TBX21: variants seen among roughly 807,000 people sequenced by gnomAD.
The protein encoded by TBX21 is T-box transcription factor TBX21.
TBX21 carries 11 observed loss-of-function variants against 52.2 expected under a neutral mutation model. That is an observed-to-expected ratio of 0.21 (90% CI 0.13 to 0.35). The LOEUF (loss-of-function observed/expected upper bound fraction) is 0.35. TBX21 is among the 10% of genes least tolerant of loss of function. The pLI is 1.00. For missense variants in TBX21, 625 were observed against 755.1 expected (o/e 0.83, Z 2.02); for synonymous variants, 300 against 316.1 (o/e 0.95, Z 0.54).
rs906353679 is a variant in TBX21, at chr17:47,733,329, T to C, written c.-126T>C. On this transcript the variant is annotated 5_prime_UTR_variant, in exon 1 of 6. Coordinates refer to ENST00000177694, the MANE Select transcript of TBX21 (RefSeq NM_013351.2). This position sits in a 1 kb window ranked among gnomAD's most constrained non-coding sequence, Gnocchi z 6.6. ...CCAGGCGTCAGAGCCCGGGCTCCGG[T>C]GGGGTCCCCCACCCGGCCCTCGGGT... 4.7e-6 allele frequency: 6 copies of C among 1,271,564 alleles called. No individual in the cohort carries two copies. The highest frequency in any genetic ancestry group is 5.8e-4 in the Middle Eastern group (2 of 3,446). 78.8% of individuals were successfully genotyped at this position (1,271,564 alleles called of 1,614,324 possible). A position where few individuals can be genotyped will look rare whatever the true frequency, so the allele number is the denominator to read the frequency against.
chr17:47,737,351 G>A (rs1301304337), intron 1 of TBX21, among the ~76,000 whole-genome samples: 1 of 152,158 alleles, frequency 6.6e-6, no homozygotes, highest in East Asian at 1.9e-4. Context: ...CACTTTCTGG[G>A]TGTGATTGGT....
rs1477192789 is a variant in TBX21, at chr17:47,733,822, A to C, written c.368A>C (p.Glu123Ala). Residue 123 changes from glutamate (E) to alanine (A), a missense_variant, in exon 1 of 6, where the codon GAG (glutamate) becomes GCG (alanine). Transcript: ENST00000177694. The surrounding 1 kb of genome is among the most constrained non-coding windows in gnomAD (Gnocchi z 6.6). The stretch of plus-strand genomic sequence containing the variant: ...GCCGGGCTCTACCCGGGGCCGCGTG[A>C]GGACTACGCGCTACCCGCGGGACTG... ...PRAGLYPGPR[E>A]DYALPAGLEV... 6.2e-7 allele frequency: 1 copy of C among 1,603,912 alleles called. No homozygotes were observed. Among genetic ancestry groups the C allele is most frequent in the Non-Finnish European group, 8.5e-7 (1 of 1,176,140 alleles).
At chr17:47,744,055 A>T in intron 3 of TBX21, 140 bp from the exon 4 acceptor site, 1 of 1,092,416 alleles carries the variant, frequency 9.2e-7, no homozygotes, top group Non-Finnish European at 1.3e-6. Context: ...GGGGGAAGTT[A>T]CATGGTGGCA....
chr17:47,745,601 G>A lies in TBX21; in HGVS notation c.*235G>A. ...TGCCCCATCCTCTGCCCTAACTACA[G>A]TCGTTTACCTGGTGCTGCGTCTTGC... On this transcript the variant is annotated 3_prime_UTR_variant, in exon 6 of 6. Transcript: ENST00000177694. 2 of 486,742 alleles carry A rather than the reference G, an allele frequency of 4.1e-6. No individual in the cohort carries two copies. The highest frequency in any genetic ancestry group is 8.0e-5 in the South Asian group (2 of 24,942). 30.2% of individuals were successfully genotyped at this position (486,742 alleles called of 1,614,324 possible). A position where few individuals can be genotyped will look rare whatever the true frequency, so the allele number is the denominator to read the frequency against.
At chr17:47,743,708 C>T (rs531051302) in intron 3 of TBX21, among the ~76,000 whole-genome samples, 175 of 151,936 alleles carry the variant, frequency 1.2e-3, no homozygotes, top group Non-Finnish European at 1.9e-3. Context: ...GATGAAACCC[C>T]GTCTCTACTA....
rs1281923443 is a variant in TBX21, at chr17:47,744,857, A to G, written c.1099A>G (p.Ser367Gly). The change falls in exon 6 of 6, where the codon AGC (serine) becomes GGC (glycine). Residue 367 changes from serine (S) to glycine (G), a missense_variant. Ser to Gly is a moderately conservative substitution (Grantham distance 56, BLOSUM62 0). This residue lies in a region of TBX21 where 261 missense variants were observed against 275.1 expected (regional missense o/e 0.95). Transcript: ENST00000177694. The stretch of plus-strand genomic sequence containing the variant: ...CCTACCCAACCAGTATCCTGTTCCC[A>G]GCCGCTTCTACCCCGACCTTCCTGG... ...PLLPNQYPVP[S>G]RFYPDLPGQA... is the part of the protein sequence containing the mutation. The G allele has an allele frequency of 6.8e-6, 11 of 1,614,020 alleles. No homozygotes were observed. Among genetic ancestry groups the G allele is most frequent in the Non-Finnish European group, 9.3e-6 (11 of 1,180,030 alleles).
intron 1 of TBX21, among the ~76,000 whole-genome samples, chr17:47,739,679 G>A (rs528014993): frequency 7.2e-5 from 11 of 151,832 alleles, no homozygotes; most frequent in Admixed American, 3.3e-4. Flanking sequence ...GAATAATGGC[G>A]TGAACCTTGG....
At position 47,733,554 on chromosome 17, in the gene TBX21, C is replaced by T. The variant is rs1367358703; in HGVS notation, c.100C>T (p.Arg34Cys). ...GGCGCCTGGCGCCGACCCGCAGCAC[C>T]GCTACTTCTACCCGGAGCCGGGCGC... ...GRAPGADPQH[R>C]YFYPEPGAQD... Residue 34 changes from arginine (R) to cysteine (C), a missense_variant, in exon 1 of 6, where the codon CGC becomes TGC. This residue lies in a region of TBX21 where 221 missense variants were observed against 204.9 expected (regional missense o/e 1.08). Coordinates refer to ENST00000177694, the MANE Select transcript of TBX21 (RefSeq NM_013351.2). This position sits in a 1 kb window ranked among gnomAD's most constrained non-coding sequence, Gnocchi z 6.6. 3 of 1,486,746 alleles carry T rather than the reference C, an allele frequency of 2.0e-6. No homozygotes were observed. The highest frequency in any genetic ancestry group is 1.5e-5 in the African/African-American group (1 of 68,344). The allele number at this position is 1,486,746 out of a possible 1,614,324, so 92.1% of individuals were successfully genotyped here.
In TBX21 at chr17:47,743,889, AAAAAAAG is replaced by A. The variant is rs770750325; in HGVS notation, c.769-285_769-279del. Among the ~76,000 whole-genome samples the A allele has an allele frequency of 2.3e-3, 341 of 150,144 alleles. 1 individual carries two copies. Among genetic ancestry groups the A allele is most frequent in the African/African-American group, 6.2e-3 (249 of 40,418 alleles). ...AGTGAGACTCCGTCTCAAAAAAAAA[AAAAAAAG>A]AAAAAAGAAAAAAGAAAAAAAAGTG... On this transcript the variant is annotated intron_variant, in intron 3 of 5. Coordinates refer to ENST00000177694, the MANE Select transcript of TBX21 (RefSeq NM_013351.2).
chr17:47,740,780 G>A (rs2032259752), intron 1 of TBX21, among the ~76,000 whole-genome samples: 1 of 152,158 alleles, frequency 6.6e-6, no homozygotes, highest in South Asian at 2.1e-4. Context: ...GGGTCATAGG[G>A]TAGTAATCTA....
At chr17:47,737,815 G>A (rs538103576) in intron 1 of TBX21, among the ~76,000 whole-genome samples, 165 of 152,026 alleles carry the variant, frequency 1.1e-3, no homozygotes, top group African/African-American at 3.8e-3. Flanking sequence ...TAGTAGAGAC[G>A]GGGTTTCGCC....
intron 1 of TBX21, among the ~76,000 whole-genome samples, chr17:47,740,027 C>T (rs1343663440): frequency 6.6e-6 from 1 of 152,150 alleles, no homozygotes; most frequent in African/African-American, 2.4e-5. Context: ...CCTCTCGGAG[C>T]GTCAGTTTCT....
Position 47,742,962 on chromosome 17 carries a change from TG to T in TBX21, c.647-107del. 6.5e-7 allele frequency: 1 copy of T among 1,539,752 alleles called. No individual in the cohort carries two copies. The highest frequency in any genetic ancestry group is 2.3e-5 in the East Asian group (1 of 44,412). On this transcript the variant is annotated intron_variant, in intron 2 of 5. Coordinates refer to ENST00000177694, the MANE Select transcript of TBX21 (RefSeq NM_013351.2). The surrounding 1 kb of genome is among the most constrained non-coding windows in gnomAD (Gnocchi z 4.4). ...GCTGAGTCCTCTGCCCTTCCCTGCC[TG>T]GTCCTCCCCCTGTGTCCTTCCTTAC...
chr17:47,734,594 TGTGTGTGTGTGTGTGTATGTGTGTGTGG>T lies in TBX21; in HGVS notation c.491+660_491+687del, dbSNP rs1325468486. ...GTGTGTGTGTGTGTGTGTGTGTGTGTGTGTGTGTGTGTGTGTATGTGTGTGTGGGTGTGTGTGTATGGGGGCTAGTGCA... is the reference window on the plus strand; with the variant it reads ...GTGTGTGTGTGTGTGTGTGTGTGTGTGTGTGTGTGTATGGGGGCTAGTGCA... On this transcript the variant is annotated intron_variant, in intron 1 of 5. Coordinates refer to ENST00000177694, the MANE Select transcript of TBX21 (RefSeq NM_013351.2). Among the ~76,000 whole-genome samples the T allele has an allele frequency of 6.8e-3, 957 of 140,444 alleles. 6 individuals carry two copies. Among genetic ancestry groups the T allele is most frequent in the African/African-American group, 0.016 (607 of 37,246 alleles). The allele number at this position is 140,444 out of a possible 152,430, so 92.1% of individuals were successfully genotyped here.
At chr17:47,734,592 T>TGTGG (rs2032184164) in intron 1 of TBX21, among the ~76,000 whole-genome samples, 1 of 140,808 alleles carries the variant, frequency 7.1e-6, no homozygotes, top group Admixed American at 7.1e-5. Flanking sequence ...TGTGTGTGTG[T>TGTGG]GTGTGTGTGT....
At position 47,734,094 on chromosome 17, in the gene TBX21, G is replaced by A. The variant is rs575951738; in HGVS notation, c.491+149G>A. The A allele has an allele frequency of 3.6e-4, 485 of 1,363,120 alleles. 4 individuals are homozygous for A. The South Asian group carries it at 4.5e-3, about 13-fold the overall frequency. The allele number at this position is 1,363,120 out of a possible 1,614,324, so 84.4% of individuals were successfully genotyped here. ...GGGAGACAGGGGAATGGGGTTGTTA[G>A]GAGGACAGGGAAAGCTCCGGAGGGG... On this transcript the variant is annotated intron_variant, in intron 1 of 5. Transcript: ENST00000177694.
intron 1 of TBX21, among the ~76,000 whole-genome samples, chr17:47,738,940 A>T (rs1354965514): frequency 2.0e-5 from 3 of 152,176 alleles, no homozygotes; most frequent in Non-Finnish European, 4.4e-5. Flanking sequence ...TATGACTGAG[A>T]AGAACTATCT....
intron 1 of TBX21, among the ~76,000 whole-genome samples, chr17:47,735,795 T>C (rs2032200843): frequency 6.6e-6 from 1 of 152,208 alleles, no homozygotes; most frequent in Admixed American, 6.5e-5. Context: ...GGGCTTGCAC[T>C]CCATCACACA....
intron 1 of TBX21, among the ~76,000 whole-genome samples, chr17:47,737,718 C>T (rs935139500): frequency 6.6e-6 from 1 of 151,894 alleles, no homozygotes; most frequent in African/African-American, 2.4e-5. Flanking sequence ...CTGCACCTCC[C>T]AGGTTCAAGT....
Sources: allele counts gnomAD v4.1 joint callset (sites outside exome capture counted in the v4.1 genomes callset), GRCh38; gene constraint gnomAD v4.1.1; regional missense constraint gnomAD v4.1.1; non-coding constraint Gnocchi (gnomAD v3.1); transcripts MANE v1.5; gene names NCBI Gene and HGNC (gene_info 2026-07-23, HGNC 2026-07-21).